SLC26A5: variants seen among roughly 807,000 people sequenced by gnomAD.
The protein encoded by SLC26A5 is prestin.
Under a neutral mutation model 81.0 loss-of-function variants are expected in SLC26A5, and 51 were observed. The observed-to-expected ratio is 0.63, with a 90% CI of 0.50 to 0.80. The LOEUF is 0.80. Ranked by LOEUF, SLC26A5 falls within the 30% of genes least tolerant of loss-of-function variation. The probability of loss-of-function intolerance (pLI) is 0.00; values close to 1 mark genes in which losing one functional copy is unlikely to be tolerated. For missense variants in SLC26A5, 771 were observed against 905.8 expected, an observed-to-expected ratio of 0.85 and a Z score of 1.91; for synonymous variants, 325 against 332.8, an observed-to-expected ratio of 0.98 and a Z score of 0.25.
chr7:103,367,717 G>A lies in SLC26A5; in HGVS notation c.2041+9091C>T, dbSNP rs1199999323. 3.1e-6 allele frequency: 5 copies of A among 1,612,280 alleles called. No individual in the cohort carries two copies. The highest frequency in any genetic ancestry group is 2.2e-5 in the East Asian group (1 of 44,862). ...TGTCAATTTTCTCATTTTTAGGGTC[G>A]GACCCACATATTTAAGATTCACGCT... On this transcript the variant is annotated intron_variant, in intron 19 of 19. Transcript: ENST00000339444. The surrounding 1 kb of genome is among the most constrained non-coding windows in gnomAD (Gnocchi z 6.1).
chr7:103,426,370 A>G (rs1586368011), intron 2 of SLC26A5, among the ~76,000 whole-genome samples: 2 of 152,382 alleles, frequency 1.3e-5, no homozygotes, highest in Non-Finnish European at 2.9e-5. Flanking sequence ...CAGAGAAAAT[A>G]TAGAAGGCTC....
intron 19 of SLC26A5, chr7:103,368,562 C>T (rs12535070): frequency 0.12 from 18,947 of 152,158 alleles, 1,456 homozygotes; most frequent in East Asian, 0.37. Context: ...GATAGTTTCC[C>T]ACCACCATAT....
chr7:103,386,455 T>G lies in SLC26A5; in HGVS notation c.1514+2553A>C, dbSNP rs1288420894. Reference sequence around the variant, plus strand: ...GGTGGCACGCGCCTGTAGTCTCAGCTACTCAGGAGGCTGAGGCAGAAGACT... The same window carrying G: ...GGTGGCACGCGCCTGTAGTCTCAGCGACTCAGGAGGCTGAGGCAGAAGACT... On this transcript the variant is annotated intron_variant, in intron 14 of 19. Transcript: ENST00000306312. 2.0e-5 allele frequency among the ~76,000 whole-genome samples: 3 copies of G among 151,750 alleles called. No individual in the cohort carries two copies. In the East Asian group the frequency reaches 5.9e-4, roughly 30 times the overall value.
At chr7:103,390,545 A>G in intron 11 of SLC26A5, 39 bp from the exon 12 acceptor site, 1 of 1,541,532 alleles carries the variant, frequency 6.5e-7, no homozygotes, top group Non-Finnish European at 9.0e-7. Context: ...CTTTTAGGAG[A>G]CTTGAATAAG....
intron 8 of SLC26A5, among the ~76,000 whole-genome samples, chr7:103,405,995 A>T (rs570396608): frequency 1.2e-3 from 182 of 152,242 alleles, no homozygotes; most frequent in Non-Finnish European, 1.9e-3. Context: ...AAAACCGCCT[A>T]CTGAAGCCTC....
intron 3 of SLC26A5, 59 bp from the exon 4 acceptor site, chr7:103,420,936 T>C: frequency 6.5e-7 from 1 of 1,543,514 alleles, no homozygotes; most frequent in Non-Finnish European, 8.9e-7. Context: ...TCTGTAGAAT[T>C]CAAACCAAAG....
At position 103,367,748 on chromosome 7, in the gene SLC26A5, A is replaced by G. The variant is rs1488929985; in HGVS notation, c.2041+9060T>C. 6.2e-7 allele frequency: 1 copy of G among 1,613,958 alleles called. No individual in the cohort carries two copies. The highest frequency in any genetic ancestry group is 1.7e-5 in the Admixed American group (1 of 60,006). ...ACATATTTAAGATTCACGCTCGTTCAATGAGTGTTGAAAGAGATATCAGAT... is the reference window on the plus strand; with the variant it reads ...ACATATTTAAGATTCACGCTCGTTCGATGAGTGTTGAAAGAGATATCAGAT... On this transcript the variant is annotated intron_variant, in intron 19 of 19. Coordinates refer to the SLC26A5 transcript ENST00000339444. The surrounding 1 kb of genome is among the most constrained non-coding windows in gnomAD (Gnocchi z 6.1).
intron 9 of SLC26A5, among the ~76,000 whole-genome samples, chr7:103,394,918 T>G (rs1211519845): frequency 6.6e-6 from 1 of 152,162 alleles, no homozygotes; most frequent in Non-Finnish European, 1.5e-5. Flanking sequence ...TGAGCCACCA[T>G]GTAAAGAGGT....
intron 9 of SLC26A5, among the ~76,000 whole-genome samples, chr7:103,395,017 G>A (rs1012302228): frequency 1.1e-4 from 17 of 152,214 alleles, no homozygotes; most frequent in African/African-American, 3.6e-4. Flanking sequence ...TGTCAGACAC[G>A]TGAGTGAAGC....
intron 6 of SLC26A5, 27 bp downstream of exon 6, chr7:103,411,393 G>A: frequency 6.2e-7 from 1 of 1,613,732 alleles, no homozygotes; most frequent in East Asian, 2.2e-5. Context: ...AAACGAGACA[G>A]TCCATTTCCC....
At chr7:103,393,145 T>G in intron 9 of SLC26A5, 79 bp from the exon 10 acceptor site, 2 of 1,540,304 alleles carry the variant, frequency 1.3e-6, no homozygotes, top group Non-Finnish European at 1.8e-6. Context: ...CAGGGAAGCA[T>G]TTTAGGGGGG....
At chr7:103,386,658 T>A (rs967524737) in intron 14 of SLC26A5, among the ~76,000 whole-genome samples, 3 of 152,106 alleles carry the variant, frequency 2.0e-5, no homozygotes, top group African/African-American at 7.2e-5. Context: ...AAATTTATGA[T>A]AAGATACCAT....
chr7:103,394,396 C>T (rs990825350), intron 9 of SLC26A5, among the ~76,000 whole-genome samples: 42 of 152,172 alleles, frequency 2.8e-4, no homozygotes, highest in African/African-American at 9.4e-4. Context: ...GGCTATAAAA[C>T]CTGTTGTCCT....
chr7:103,421,666 C>T (rs1298848955), intron 2 of SLC26A5, 99 bp from the exon 3 acceptor site: 4 of 802,352 alleles, frequency 5.0e-6, no homozygotes, highest in Non-Finnish European at 8.2e-6. Flanking sequence ...TCTTCTGAGG[C>T]TTTCTTTGGA....
chr7:103,385,370 G>A (rs1228473273), intron 14 of SLC26A5, among the ~76,000 whole-genome samples: 1 of 152,030 alleles, frequency 6.6e-6, no homozygotes, highest in African/African-American at 2.4e-5. Flanking sequence ...TCCTGACCTC[G>A]TGATCCACCT....
intron 19 of SLC26A5, chr7:103,354,899 A>C: frequency 6.2e-7 from 1 of 1,613,608 alleles, no homozygotes; most frequent in Non-Finnish European, 8.5e-7. Context: ...CAGATCAAGC[A>C]AGTTGAAGAT....
At chr7:103,368,171 C>A in intron 19 of SLC26A5, 1 of 886,024 alleles carries the variant, frequency 1.1e-6, no homozygotes, top group Non-Finnish European at 1.7e-6. Flanking sequence ...TTTTCCATAT[C>A]TCTTCTTGTA....
In SLC26A5 at chr7:103,367,952, G is replaced by A. The variant is rs1363862752; in HGVS notation, c.2041+8856C>T. 1 of 1,614,010 alleles carries A rather than the reference G, an allele frequency of 6.2e-7. No individual in the cohort carries two copies. Among genetic ancestry groups the A allele is most frequent in the Non-Finnish European group, 8.5e-7 (1 of 1,179,988 alleles). On this transcript the variant is annotated intron_variant, in intron 19 of 19. Coordinates refer to the SLC26A5 transcript ENST00000339444. This position sits in a 1 kb window ranked among gnomAD's most constrained non-coding sequence, Gnocchi z 6.1. The stretch of plus-strand genomic sequence containing the variant: ...CTGGTATGTTTGCCATCAGAGCACG[G>A]CGAAAAATTGCTACCGAGAAGGATT...
intron 8 of SLC26A5, among the ~76,000 whole-genome samples, chr7:103,406,805 T>C (rs1319966166): frequency 6.6e-6 from 1 of 152,100 alleles, no homozygotes; most frequent in Non-Finnish European, 1.5e-5. Flanking sequence ...ACAGGTGCAT[T>C]TCACCACATC....
Sources: allele counts gnomAD v4.1 joint callset (sites outside exome capture counted in the v4.1 genomes callset), GRCh38; gene constraint gnomAD v4.1.1; non-coding constraint Gnocchi (gnomAD v3.1); transcripts MANE v1.5; gene names NCBI Gene and HGNC (gene_info 2026-07-23, HGNC 2026-07-21).